CTNND2: variants seen among roughly 807,000 people sequenced by gnomAD.
CTNND2 encodes catenin delta 2.
In CTNND2, 22 loss-of-function variants were observed where a neutral mutation model predicts 144.4. The ratio of observed to expected loss-of-function variants is 0.15; its 90% CI spans 0.11 to 0.22. CTNND2 has a LOEUF of 0.22. CTNND2 is among the 10% of genes least tolerant of loss of function. CTNND2 has a pLI of 1.00. For synonymous variants in CTNND2, 751 were observed against 695.6 expected (o/e 1.08, Z -1.25); for missense variants, 1,353 against 1,618.8 (o/e 0.84, Z 2.82).
chr5:11,779,152 T>A (rs1171859133), intron 1 of CTNND2, among the ~76,000 whole-genome samples: 1 of 152,180 alleles, frequency 6.6e-6, no homozygotes, highest in Non-Finnish European at 1.5e-5. Context: ...TTCAGTTAAT[T>A]TAAAGAGGCA....
chr5:11,353,789 G>A (rs1335202603), intron 8 of CTNND2, among the ~76,000 whole-genome samples: 1 of 150,122 alleles, frequency 6.7e-6, no homozygotes, highest in Non-Finnish European at 1.5e-5. Flanking sequence ...GGCGACAAGA[G>A]CAAGACTCCA....
intron 2 of CTNND2, among the ~76,000 whole-genome samples, chr5:11,611,346 T>C (rs1441853370): frequency 6.6e-6 from 1 of 152,224 alleles, no homozygotes; most frequent in Non-Finnish European, 1.5e-5. Flanking sequence ...ACTAATACTG[T>C]AGAAATATTC....
At chr5:11,716,996 T>C (rs1220984054) in intron 2 of CTNND2, among the ~76,000 whole-genome samples, 1 of 151,906 alleles carries the variant, frequency 6.6e-6, no homozygotes, top group Non-Finnish European at 1.5e-5. Context: ...GCCTCCCGAG[T>C]AGCTGAGACT....
intron 10 of CTNND2, among the ~76,000 whole-genome samples, chr5:11,214,232 C>T (rs965583781): frequency 3.1e-4 from 47 of 152,270 alleles, no homozygotes; most frequent in African/African-American, 1.0e-3. Context: ...TAGTTCTTAT[C>T]AGTGAACTCT....
At chr5:11,755,291 A>G (rs1788869613) in intron 1 of CTNND2, among the ~76,000 whole-genome samples, 1 of 151,680 alleles carries the variant, frequency 6.6e-6, no homozygotes, top group East Asian at 1.9e-4. Context: ...TGGCTTGTAG[A>G]GTTTCTGCTG....
intron 3 of CTNND2, among the ~76,000 whole-genome samples, chr5:11,484,494 T>C (rs1237506570): frequency 6.6e-6 from 1 of 152,174 alleles, no homozygotes; most frequent in Non-Finnish European, 1.5e-5. Flanking sequence ...CACATTTCTG[T>C]ACTAAGAAAA....
chr5:11,592,164 CTGCCT>C (rs1338405328), intron 2 of CTNND2, among the ~76,000 whole-genome samples: 1 of 144,890 alleles, frequency 6.9e-6, no homozygotes, highest in East Asian at 2.3e-4. Context: ...TCCTGCCTGC[CTGCCT>C]TCCTGCCTGC....
At position 11,903,898 on chromosome 5, in the gene CTNND2, C is replaced by T. The variant is rs1300042658; in HGVS notation, c.-45G>A. ...GCTCCTCAGTCCGGGAAGAGGCGTGCGCGGCGCCGCCCGGCTTCAGGGCAA... is the reference window on the plus strand; with the variant it reads ...GCTCCTCAGTCCGGGAAGAGGCGTGTGCGGCGCCGCCCGGCTTCAGGGCAA... On this transcript the variant is annotated 5_prime_UTR_variant, in exon 1 of 22. Coordinates refer to ENST00000304623, the MANE Select transcript of CTNND2 (RefSeq NM_001332.4). The surrounding 1 kb of genome is among the most constrained non-coding windows in gnomAD (Gnocchi z 5.4). 1 of 1,405,448 alleles carries T rather than the reference C, an allele frequency of 7.1e-7. No homozygotes were observed. The allele number at this position is 1,405,448 out of a possible 1,614,324, so 87.1% of individuals were successfully genotyped here.
chr5:11,270,469 G>T (rs924220509), intron 9 of CTNND2, among the ~76,000 whole-genome samples: 1 of 121,452 alleles, frequency 8.2e-6, no homozygotes, highest in Non-Finnish European at 1.9e-5. Context: ...AAAACAATGT[G>T]GTAAAAAAAA....
intron 10 of CTNND2, among the ~76,000 whole-genome samples, chr5:11,214,884 C>A (rs1041269732): frequency 7.9e-5 from 12 of 152,172 alleles, no homozygotes; most frequent in Admixed American, 2.0e-4. Flanking sequence ...CCCCCTTCAT[C>A]CTCAATCTTC....
intron 3 of CTNND2, among the ~76,000 whole-genome samples, chr5:11,464,877 G>A (rs1766519395): frequency 6.6e-6 from 1 of 152,080 alleles, no homozygotes; most frequent in Non-Finnish European, 1.5e-5. Flanking sequence ...ATTTGATGTG[G>A]GTTGTTCAAT....
At chr5:11,204,552 TATTGCAAAAATAGGGCCCC>T (rs1413632280) in intron 10 of CTNND2, among the ~76,000 whole-genome samples, 48 of 152,306 alleles carry the variant, frequency 3.2e-4, no homozygotes, top group African/African-American at 1.1e-3. Flanking sequence ...CAATAGCACC[TATTGCAAAAATAGGGCCCC>T]ATTTGTTACT....
chr5:11,149,118 C>T (rs917865474), intron 12 of CTNND2, among the ~76,000 whole-genome samples: 1 of 152,224 alleles, frequency 6.6e-6, no homozygotes, highest in African/African-American at 2.4e-5. Flanking sequence ...AGGCCACACA[C>T]CACGCCTCCT....
At position 11,463,854 on chromosome 5, in the gene CTNND2, CAA is replaced by C. The variant is rs34924245; in HGVS notation, c.288-51787_288-51786del. Reference sequence around the variant, plus strand: ...TGACAGCTGAGGAAAGCGTCCCTTACAAAAAAAAAAAAAGATTTCATTTGAAA... The same window carrying C: ...TGACAGCTGAGGAAAGCGTCCCTTACAAAAAAAAAAAGATTTCATTTGAAA... On this transcript the variant is annotated intron_variant, in intron 3 of 21. Coordinates refer to ENST00000304623, the MANE Select transcript of CTNND2 (RefSeq NM_001332.4). Among the ~76,000 whole-genome samples, 102 of 123,568 alleles carry C rather than the reference CAA, an allele frequency of 8.3e-4. 1 individual carries two copies. The highest frequency in any genetic ancestry group is 2.7e-3 in the African/African-American group (95 of 34,756). The allele number at this position is 123,568 out of a possible 152,430, so 81.1% of individuals were successfully genotyped here.
chr5:11,285,813 G>C (rs1311303546), intron 9 of CTNND2, among the ~76,000 whole-genome samples: 2 of 71,792 alleles, frequency 2.8e-5, no homozygotes, highest in Non-Finnish European at 6.6e-5. Flanking sequence ...AGGTGGTTGA[G>C]AGTTAAAAGC....
At position 11,149,485 on chromosome 5, in the gene CTNND2, C is replaced by T. The variant is rs540909408; in HGVS notation, c.2159+10091G>A. On this transcript the variant is annotated intron_variant, in intron 12 of 21. Coordinates refer to ENST00000304623, the MANE Select transcript of CTNND2 (RefSeq NM_001332.4). Reference sequence around the variant, plus strand: ...TCCTCACATACAATCTTTGTGCTAACGCAGCTACTTTCTGGTAATAAGTTA... The same window carrying T: ...TCCTCACATACAATCTTTGTGCTAATGCAGCTACTTTCTGGTAATAAGTTA... Among the ~76,000 whole-genome samples, 33 of 152,268 alleles carry T rather than the reference C, an allele frequency of 2.2e-4. No homozygotes were observed. The South Asian group carries it at 3.9e-3, about 18-fold the overall frequency.
Position 11,564,841 on chromosome 5 carries a change from T to C in CTNND2, c.287+103A>G. ...TTACAATTTCTTTCCAACGTTTGAC[T>C]GAATGTTCCAATTCCACCACCGGGT... is the stretch of plus-strand genomic sequence containing the variant. On this transcript the variant is annotated intron_variant, in intron 3 of 21. Transcript: ENST00000304623. 3 of 732,886 alleles carry C rather than the reference T, an allele frequency of 4.1e-6. No individual in the cohort carries two copies. In the South Asian group the frequency reaches 5.6e-5, roughly 14 times the overall value. The allele number at this position is 732,886 out of a possible 1,614,324, so 45.4% of individuals were successfully genotyped here.
intron 6 of CTNND2, among the ~76,000 whole-genome samples, chr5:11,389,215 A>C (rs1163696811): frequency 1.3e-5 from 2 of 152,154 alleles, no homozygotes; most frequent in African/African-American, 4.8e-5. Flanking sequence ...CTCCTTCAAA[A>C]TGAGGAACCC....
At chr5:11,163,387 A>G (rs573947106) in intron 11 of CTNND2, among the ~76,000 whole-genome samples, 1 of 152,324 alleles carries the variant, frequency 6.6e-6, no homozygotes, top group Non-Finnish European at 1.5e-5. Context: ...CCTTCGAATG[A>G]CTGCAGCCTC....
Sources: allele counts gnomAD v4.1 joint callset (sites outside exome capture counted in the v4.1 genomes callset), GRCh38; gene constraint gnomAD v4.1.1; non-coding constraint Gnocchi (gnomAD v3.1); transcripts MANE v1.5; gene names NCBI Gene and HGNC (gene_info 2026-07-23, HGNC 2026-07-21).